The following SRPRA variants were observed in gnomAD, a reference collection of about 807,000 sequenced individuals.
The protein encoded by SRPRA is signal recognition particle receptor subunit alpha.
SRPRA carries 30 observed loss-of-function variants against 61.1 expected under a neutral mutation model. The ratio of observed to expected loss-of-function variants is 0.49; its 90% CI spans 0.37 to 0.67. The LOEUF is 0.67. Ranked by LOEUF, SRPRA falls within the 30% of genes least tolerant of loss-of-function variation. The probability of loss-of-function intolerance (pLI) is 0.00; values close to 1 mark genes in which losing one functional copy is unlikely to be tolerated. For missense variants in SRPRA, 759 were observed against 828.4 expected, an observed-to-expected ratio of 0.92 and a Z score of 1.03; for synonymous variants, 324 against 299.7, an observed-to-expected ratio of 1.08 and a Z score of -0.84.
At position 126,264,306 on chromosome 11, in the gene SRPRA, A is replaced by T. The variant is rs755110282; in HGVS notation, c.1690-17T>A. 6.2e-7 allele frequency: 1 copy of T among 1,613,608 alleles called. No individual in the cohort carries two copies. Among genetic ancestry groups the T allele is most frequent in the Admixed American group, 1.7e-5 (1 of 59,984 alleles). ...GAACTTGACCTGGAAAGAAAAAGTG[A>T]TAGAAGTGTAAGAACCATCTAAATT... On this transcript the variant is annotated splice_polypyrimidine_tract_variant and intron_variant, in intron 12 of 13. Transcript: ENST00000332118. The surrounding 1 kb of genome is among the most constrained non-coding windows in gnomAD (Gnocchi z 5.0).
At chr11:126,268,520 G>C (rs907053882) in intron 1 of SRPRA, among the ~76,000 whole-genome samples, 168 bp downstream of exon 1, 4 of 151,718 alleles carry the variant, frequency 2.6e-5, no homozygotes, top group Non-Finnish European at 4.4e-5. Context: ...ATTAAGTTGC[G>C]GGGTAGTCTG....
At chr11:126,240,143 A>C in the SRPRA span, among the ~76,000 whole-genome samples, 19 of 152,156 alleles carry the variant, frequency 1.2e-4, no homozygotes, top group Non-Finnish European at 2.1e-4. Flanking sequence ...AGAACAGAGA[A>C]GTCTGTCTCT....
chr11:126,254,258 G>T, the SRPRA span: 1 of 1,593,732 alleles, frequency 6.3e-7, no homozygotes, highest in South Asian at 1.1e-5. Context: ...CCTTTAAACA[G>T]GTGCTCAGCC....
rs762556974 is a variant in SRPRA at position 126,266,779 on chromosome 11, C to G, written c.670G>C (p.Gly224Arg). 2 of 1,613,984 alleles carry G rather than the reference C, an allele frequency of 1.2e-6. No individual in the cohort carries two copies. The highest frequency in any genetic ancestry group is 1.7e-6 in the Non-Finnish European group (2 of 1,179,982). The change falls in exon 5 of 14, where the codon GGT becomes CGT. Residue 224 changes from glycine to arginine, a missense_variant. By Grantham distance (125) the Gly-to-Arg change is moderately radical (BLOSUM62 -2). This residue lies in a region of SRPRA where 475 missense variants were observed against 462.5 expected (regional missense o/e 1.03). Coordinates refer to ENST00000332118, the MANE Select transcript of SRPRA (RefSeq NM_003139.4). ...AGTGCTCACTTGGACTTCTCCATAC[C>G]CCTCCCATGCTTCTGAATGAACTCC... is the stretch of plus-strand genomic sequence containing the variant. ...REEFIQKHGR[G>R]MEKSNKSTKS...
the SRPRA span, among the ~76,000 whole-genome samples, chr11:126,247,402 A>T: frequency 1.5e-4 from 23 of 152,336 alleles, no homozygotes; most frequent in African/African-American, 4.8e-4. Context: ...TAGGTCTAAA[A>T]GATACTTAAT....
At chr11:126,237,416 TAAA>T in the SRPRA span, among the ~76,000 whole-genome samples, 1 of 146,800 alleles carries the variant, frequency 6.8e-6, no homozygotes, top group South Asian at 2.1e-4. Flanking sequence ...ATTTATTTTT[TAAA>T]TAAAGACAGG....
chr11:126,251,470 T>A, the SRPRA span, among the ~76,000 whole-genome samples: 1 of 152,172 alleles, frequency 6.6e-6, no homozygotes, highest in South Asian at 2.1e-4. Context: ...CTCTTGTGGT[T>A]TTGCTGACCT....
In SRPRA at chr11:126,265,818, T is replaced by C; in HGVS notation, c.1057A>G (p.Asn353Asp). The part of the protein sequence containing the change: ...DKMRDHLIAK[N>D]VAADIAVQLC... Reference sequence around the variant, plus strand: ...TGGACGGCAATGTCTGCAGCCACGTTCTTAGCTGAGGAGAGGGGGACAGGT... The same window carrying C: ...TGGACGGCAATGTCTGCAGCCACGTCCTTAGCTGAGGAGAGGGGGACAGGT... The change falls in exon 9 of 14, where the codon AAC (asparagine) becomes GAC (aspartate). Residue 353 changes from asparagine (N) to aspartate (D), a missense_variant. Coordinates refer to ENST00000332118, the MANE Select transcript of SRPRA (RefSeq NM_003139.4). This position sits in a 1 kb window ranked among gnomAD's most constrained non-coding sequence, Gnocchi z 6.3. 1 of 1,614,220 alleles carries C rather than the reference T, an allele frequency of 6.2e-7. No individual in the cohort carries two copies. Among genetic ancestry groups the C allele is most frequent in the Non-Finnish European group, 8.5e-7 (1 of 1,180,042 alleles).
the SRPRA span, chr11:126,250,615 T>G: frequency 1.2e-6 from 2 of 1,614,066 alleles, no homozygotes; most frequent in Non-Finnish European, 1.7e-6. This position sits in a 1 kb window ranked among gnomAD's most constrained non-coding sequence, Gnocchi z 5.1. Context: ...CAGTCAGTTC[T>G]CCACCTGATG....
chr11:126,247,232 C>T, the SRPRA span, among the ~76,000 whole-genome samples: 1 of 152,122 alleles, frequency 6.6e-6, no homozygotes, highest in Non-Finnish European at 1.5e-5. Context: ...GTCAAGGCTG[C>T]AATGAGCCAC....
Position 126,263,851 on chromosome 11 carries a change from C to T in SRPRA, c.*65G>A. 3 of 1,597,388 alleles carry T rather than the reference C, an allele frequency of 1.9e-6. No individual in the cohort carries two copies. The highest frequency in any genetic ancestry group is 1.7e-5 in the Admixed American group (1 of 58,378). On this transcript the variant is annotated 3_prime_UTR_variant, in exon 14 of 14. Transcript: ENST00000332118. ...CAGGTTGCTCACATACTCTAAAGCA[C>T]ATTCTTGATACAGGAAGAAGGGCTT...
In SRPRA at chr11:126,266,505, C is replaced by T; in HGVS notation, c.811G>A (p.Glu271Lys). The T allele has an allele frequency of 6.2e-7, 1 of 1,614,192 alleles. No homozygotes were observed. The highest frequency in any genetic ancestry group is 8.5e-7 in the Non-Finnish European group (1 of 1,180,016). The change falls in exon 6 of 14, where the codon GAG becomes AAG. Residue 271 changes from glutamate (E) to lysine (K), a missense_variant. By Grantham distance (56) the Glu-to-Lys change is moderately conservative (BLOSUM62 1). Transcript: ENST00000332118. ...TTGATGTCCTCAGACAAGGCAGCCT[C>T]AGGGGTTCCATTGGTGGTGGGAGTA... ...YSTPTTNGTP[E>K]AALSEDINLI...
rs1950855765 is a variant in SRPRA, at chr11:126,268,058, T to C, written c.146A>G (p.His49Arg). The C allele has an allele frequency of 2.5e-6, 4 of 1,614,026 alleles. No homozygotes were observed. The highest frequency in any genetic ancestry group is 3.4e-6 in the Non-Finnish European group (4 of 1,180,024). ...QERGGNNSFT[H>R]EALTLKYKLD... ...TTTATACTTGAGTGTGAGTGCCTCA[T>C]GGGTGAAGGAGTTGTTACCTCCCCG... Residue 49 changes from histidine to arginine, a missense_variant, in exon 2 of 14, where the codon CAT (histidine) becomes CGT (arginine). His to Arg is a conservative substitution (Grantham distance 29, BLOSUM62 0). Coordinates refer to ENST00000332118, the MANE Select transcript of SRPRA (RefSeq NM_003139.4).
the SRPRA span, chr11:126,256,825 T>C: frequency 6.8e-6 from 11 of 1,611,876 alleles, no homozygotes; most frequent in Non-Finnish European, 9.3e-6. This position sits in a 1 kb window ranked among gnomAD's most constrained non-coding sequence, Gnocchi z 6.6. Flanking sequence ...GCGACTGACA[T>C]GTGAGATCTC....
In SRPRA at chr11:126,267,438, T is replaced by G; in HGVS notation, c.366-103A>C. The G allele has an allele frequency of 6.3e-7, 1 of 1,584,332 alleles. No homozygotes were observed. Among genetic ancestry groups the G allele is most frequent in the African/African-American group, 1.4e-5 (1 of 73,836 alleles). On this transcript the variant is annotated intron_variant, in intron 3 of 13. Transcript: ENST00000332118. This position sits in a 1 kb window ranked among gnomAD's most constrained non-coding sequence, Gnocchi z 4.2. ...ACCCAAGAGGACAATGAGAACTGGG[T>G]AGCAAATTAGGAATGTCTTTGAACA...
chr11:126,264,625 C>G lies in SRPRA; in HGVS notation c.1526-86G>C. On this transcript the variant is annotated intron_variant, in intron 11 of 13. Transcript: ENST00000332118. This position sits in a 1 kb window ranked among gnomAD's most constrained non-coding sequence, Gnocchi z 5.0. ...TTCCTCTCAAAAAGTCCTAGTTTGA[C>G]TACCTGTTCACTGTCTTGGGCTCTG... 1 of 1,492,822 alleles carries G rather than the reference C, an allele frequency of 6.7e-7. No individual in the cohort carries two copies. Among genetic ancestry groups the G allele is most frequent in the South Asian group, 1.2e-5 (1 of 81,170 alleles). 92.5% of individuals were successfully genotyped at this position (1,492,822 alleles called of 1,614,324 possible).
chr11:126,266,182 C>A lies in SRPRA; in HGVS notation c.932+5G>T. On this transcript the variant is annotated splice_donor_5th_base_variant and intron_variant, in intron 7 of 13. Coordinates refer to ENST00000332118, the MANE Select transcript of SRPRA (RefSeq NM_003139.4). Reference sequence around the variant, plus strand: ...TATACCAACCCCCACCTGAAATTCCCCTACCTAGGTTTGGTAGAGTTTTGA... The same window carrying A: ...TATACCAACCCCCACCTGAAATTCCACTACCTAGGTTTGGTAGAGTTTTGA... 1 of 1,613,990 alleles carries A rather than the reference C, an allele frequency of 6.2e-7. No homozygotes were observed. Among genetic ancestry groups the A allele is most frequent in the South Asian group, 1.1e-5 (1 of 91,082 alleles).
In SRPRA at chr11:126,265,710, C is replaced by T; in HGVS notation, c.1138+27G>A. On this transcript the variant is annotated intron_variant, in intron 9 of 13. Coordinates refer to ENST00000332118, the MANE Select transcript of SRPRA (RefSeq NM_003139.4). The surrounding 1 kb of genome is among the most constrained non-coding windows in gnomAD (Gnocchi z 6.3). ...TCTATGCACTTAACCTACACATAAG[C>T]ACTTTCTCACTTAGGTAAGTACTTA... The T allele has an allele frequency of 6.2e-7, 1 of 1,609,870 alleles. No individual in the cohort carries two copies. The highest frequency in any genetic ancestry group is 8.5e-7 in the Non-Finnish European group (1 of 1,176,192).
chr11:126,266,445 A>C, intron 6 of SRPRA, 31 bp downstream of exon 6: 1 of 1,606,630 alleles, frequency 6.2e-7, no homozygotes, highest in Middle Eastern at 1.7e-4. Context: ...ATTTGTTGTT[A>C]AAGATCACTT....
Sources: gnomAD v4.1 joint callset for allele counts (sites outside exome capture counted in the v4.1 genomes callset) on GRCh38, gnomAD v4.1.1 for gene constraint, gnomAD v4.1.1 regional missense constraint, Gnocchi (gnomAD v3.1) non-coding constraint, MANE v1.5 for transcripts, NCBI Gene and HGNC (gene_info 2026-07-23, HGNC 2026-07-21) for gene names.